The following BOP1 variants were observed in gnomAD, a reference collection of about 807,000 sequenced individuals.
The protein encoded by BOP1 is ribosome biogenesis protein BOP1.
BOP1 carries 54 observed loss-of-function variants against 82.9 expected under a neutral mutation model. The ratio of observed to expected loss-of-function variants is 0.65; its 90% CI spans 0.52 to 0.82. The LOEUF (loss-of-function observed/expected upper bound fraction) is 0.82. Ranked by LOEUF, BOP1 falls within the 40% of genes least tolerant of loss-of-function variation. The pLI is 0.00. For synonymous variants in BOP1, 566 were observed against 451.1 expected (o/e 1.25, Z -3.23); for missense variants, 1,170 against 1,072.0 (o/e 1.09, Z -1.28).
chr8:144,271,192 G>C (rs1242881728), intron 3 of BOP1, among the ~76,000 whole-genome samples: 1 of 152,034 alleles, frequency 6.6e-6, no homozygotes, highest in Non-Finnish European at 1.5e-5. Context: ...GGCCGCAACC[G>C]GCTGATGTGT....
rs1554840177 is a variant in BOP1 at position 144,291,295 on chromosome 8, G to A, written c.76C>T (p.Leu26=). The A allele has an allele frequency of 6.9e-7, 1 of 1,458,394 alleles. No individual in the cohort carries two copies. The highest frequency in any genetic ancestry group is 9.0e-7 in the Non-Finnish European group (1 of 1,106,804). 90.3% of individuals were successfully genotyped at this position (1,458,394 alleles called of 1,614,324 possible). ...RPEKRRSEPE[L]EPEPEPEPPL... is the part of the protein sequence containing the mutation. ...ACCTCCGGCTCGGGCTCAGGCTCCA[G>A]TTCGGGCTCAGACCGCCGCTTCTCC... Residue 26 remains leucine (L), a synonymous_variant, in exon 1 of 16, where the codon CTG becomes TTG. Coordinates refer to ENST00000569669, the MANE Select transcript of BOP1 (RefSeq NM_015201.5). This position sits in a 1 kb window ranked among gnomAD's most constrained non-coding sequence, Gnocchi z 4.1.
chr8:144,267,993 G>C, intron 3 of BOP1: 1 of 1,486,090 alleles, frequency 6.7e-7, no homozygotes. Flanking sequence ...GAGCCGGGAA[G>C]GAGGTGCCTT....
intron 3 of BOP1, among the ~76,000 whole-genome samples, chr8:144,272,733 AGCCCAGGGTACCCCCATGAGGGCCCT>A (rs1307159552): frequency 6.6e-6 from 1 of 152,014 alleles, no homozygotes; most frequent in Non-Finnish European, 1.5e-5. Context: ...TTCATCCGAG[AGCCCAGGGTACCCCCATGAGGGCCCT>A]GGCTTCCCTG....
Position 144,263,021 on chromosome 8 carries a change from G to A in BOP1, c.1726C>T (p.Arg576Cys), listed in dbSNP as rs1194057097. 2.6e-5 allele frequency: 41 copies of A among 1,563,916 alleles called. No individual in the cohort carries two copies. Among genetic ancestry groups the A allele is most frequent in the East Asian group, 1.4e-4 (6 of 43,128 alleles). ...CGCTGCACCTGTCCGTGGCTGCGGC[G>A]GAACGGACTCTGGCTGCGGCGACGG... ...LSRRRSQSPF[R>C]RSHGQVQRVA... The change falls in exon 13 of 16, where the codon CGC becomes TGC. Residue 576 changes from arginine (R) to cysteine (C), a missense_variant. Arg to Cys is a radical substitution (Grantham distance 180). Coordinates refer to ENST00000569669, the MANE Select transcript of BOP1 (RefSeq NM_015201.5).
At chr8:144,265,231 G>A in intron 3 of BOP1, 160 bp from the exon 4 acceptor site, 1 of 833,980 alleles carries the variant, frequency 1.2e-6, no homozygotes, top group Non-Finnish European at 1.8e-6. Context: ...CCCCAGCCCT[G>A]GGGTCTGACG....
intron 3 of BOP1, chr8:144,267,233 C>T (rs1845394979): frequency 6.8e-7 from 1 of 1,465,666 alleles, no homozygotes; most frequent in African/African-American, 1.5e-5. Flanking sequence ...CCCCTCAGCC[C>T]ACACCTGCCA....
rs972503093 is a variant in BOP1 at position 144,262,313 on chromosome 8, G to A, written c.2092C>T (p.Leu698Phe). 1.9e-6 allele frequency: 3 copies of A among 1,612,892 alleles called. No homozygotes were observed. The highest frequency in any genetic ancestry group is 2.5e-6 in the Non-Finnish European group (3 of 1,179,834). Residue 698 changes from leucine to phenylalanine, a missense_variant, in exon 16 of 16, where the codon CTT becomes TTT. By Grantham distance (22) the Leu-to-Phe change is conservative. Coordinates refer to ENST00000569669, the MANE Select transcript of BOP1 (RefSeq NM_015201.5). Reference protein sequence around the residue: ...IVCHGMVYNDLLQNPLLVPVK... With the variant: ...IVCHGMVYNDFLQNPLLVPVK... ...GGCACCAGCAAGGGGTTCTGCAGAA[G>A]GTCACTGTGGGGACGAGGAGGGCTC... is the stretch of plus-strand genomic sequence containing the variant.
intron 3 of BOP1, among the ~76,000 whole-genome samples, chr8:144,267,451 C>T (rs1845401641): frequency 6.6e-6 from 1 of 152,212 alleles, no homozygotes; most frequent in South Asian, 2.1e-4. Flanking sequence ...GGGGCCCACC[C>T]AGGGCGGGGA....
chr8:144,273,217 C>T (rs755149813), intron 3 of BOP1, among the ~76,000 whole-genome samples: 1 of 152,196 alleles, frequency 6.6e-6, no homozygotes, highest in Non-Finnish European at 1.5e-5. Context: ...AGGCAGCTGC[C>T]GGTTCAGTAG....
intron 3 of BOP1, chr8:144,265,585 T>C: frequency 6.2e-6 from 1 of 162,374 alleles, no homozygotes; most frequent in Non-Finnish European, 1.3e-5. Context: ...GGACGTACAT[T>C]CCTGGTTGCA....
Position 144,262,386 on chromosome 8 carries a change from C to G in BOP1, c.2087+10G>C. On this transcript the variant is annotated intron_variant, in intron 15 of 15. Coordinates refer to ENST00000569669, the MANE Select transcript of BOP1 (RefSeq NM_015201.5). ...CCCTGGGGAGGGGGCCAGGCAGGGTCAGCACTCACTTGTACACCATGCCAT... is the reference window on the plus strand; with the variant it reads ...CCCTGGGGAGGGGGCCAGGCAGGGTGAGCACTCACTTGTACACCATGCCAT... 1.9e-6 allele frequency: 3 copies of G among 1,612,678 alleles called. No individual in the cohort carries two copies. The highest frequency in any genetic ancestry group is 2.5e-6 in the Non-Finnish European group (3 of 1,179,796).
At chr8:144,263,809 C>T (rs1845294164) in intron 9 of BOP1, 22 bp downstream of exon 9, 2 of 1,609,134 alleles carry the variant, frequency 1.2e-6, no homozygotes, top group Non-Finnish European at 8.5e-7. Flanking sequence ...GGTGCAACCC[C>T]AGCCCCCTAG....
intron 2 of BOP1, among the ~76,000 whole-genome samples, chr8:144,286,313 CACGCGGGCAG>C (rs1814866176): frequency 6.6e-6 from 1 of 152,162 alleles, no homozygotes; most frequent in Non-Finnish European, 1.5e-5. Flanking sequence ...AAGCACAGGA[CACGCGGGCAG>C]ATGCACGGGC....
chr8:144,266,925 C>G, intron 3 of BOP1: 1 of 1,555,822 alleles, frequency 6.4e-7, no homozygotes, highest in Non-Finnish European at 8.6e-7. Context: ...TGATCCCCAC[C>G]GAGCCCGCCG....
At chr8:144,277,291 C>T (rs1277042361) in intron 2 of BOP1, among the ~76,000 whole-genome samples, 1 of 152,314 alleles carries the variant, frequency 6.6e-6, no homozygotes, top group South Asian at 2.1e-4. Context: ...TCAGTTTCCA[C>T]GTCTCCCCCT....
intron 3 of BOP1, among the ~76,000 whole-genome samples, chr8:144,273,097 C>T (rs1009988578): frequency 8.5e-5 from 13 of 152,130 alleles, no homozygotes; most frequent in African/African-American, 1.2e-4. Context: ...GTTCGCTCGC[C>T]GGGAAACCTG....
intron 3 of BOP1, chr8:144,266,795 C>T: frequency 1.8e-6 from 2 of 1,124,640 alleles, no homozygotes; most frequent in Non-Finnish European, 1.1e-6. Flanking sequence ...GGCCGGCGGG[C>T]CGGGGGCGGG....
intron 2 of BOP1, among the ~76,000 whole-genome samples, chr8:144,280,925 T>TTGGCCTTCTCTC (rs1845658951): frequency 6.6e-6 from 1 of 151,692 alleles, no homozygotes; most frequent in African/African-American, 2.4e-5. Context: ...TACCAGGTCT[T>TTGGCCTTCTCTC]AGGCCTTCTC....
In BOP1 at chr8:144,287,508, T is replaced by C. The variant is rs144561621; in HGVS notation, c.309+1587A>G. Reference sequence around the variant, plus strand: ...TTATTTTCCAGGATGTTTTATCTCATAATTTTTTTTTGAAACAGGGTCTTG... The same window carrying C: ...TTATTTTCCAGGATGTTTTATCTCACAATTTTTTTTTGAAACAGGGTCTTG... On this transcript the variant is annotated intron_variant, in intron 2 of 15. Coordinates refer to ENST00000569669, the MANE Select transcript of BOP1 (RefSeq NM_015201.5). 4.2e-3 allele frequency among the ~76,000 whole-genome samples: 637 copies of C among 152,158 alleles called. 1 individual carries two copies. The highest frequency in any genetic ancestry group is 7.2e-3 in the Non-Finnish European group (488 of 67,990).
Sources: allele counts gnomAD v4.1 joint callset (sites outside exome capture counted in the v4.1 genomes callset), GRCh38; gene constraint gnomAD v4.1.1; non-coding constraint Gnocchi (gnomAD v3.1); transcripts MANE v1.5; gene names NCBI Gene and HGNC (gene_info 2026-07-23, HGNC 2026-07-21).